The following GALNT1 variants were observed in gnomAD, a reference collection of about 807,000 sequenced individuals.
GALNT1 encodes the protein GalNAc transferase 1.
Under a neutral mutation model 65.7 loss-of-function variants are expected in GALNT1, and 17 were observed. The observed-to-expected ratio is 0.26, with a 90% CI of 0.18 to 0.39. The LOEUF (loss-of-function observed/expected upper bound fraction) is 0.39, where lower values mean the gene tolerates loss of function less well. GALNT1 is among the 10% of genes least tolerant of loss of function. The probability of loss-of-function intolerance (pLI) is 1.00; values close to 1 mark genes in which losing one functional copy is unlikely to be tolerated. For synonymous variants in GALNT1, 210 were observed against 219.7 expected (o/e 0.96, Z 0.39); for missense variants, 460 against 672.8 (o/e 0.68, Z 3.50).
intron 1 of GALNT1, among the ~76,000 whole-genome samples, chr18:35,623,426 A>C (rs922415287): frequency 5.3e-5 from 8 of 152,124 alleles, no homozygotes; most frequent in African/African-American, 1.7e-4. Flanking sequence ...TTATCTGCTT[A>C]GGTTTCACTG....
At chr18:35,695,831 G>A (rs542988001) in intron 9 of GALNT1, among the ~76,000 whole-genome samples, 12 of 152,252 alleles carry the variant, frequency 7.9e-5, no homozygotes, top group East Asian at 1.9e-4. Flanking sequence ...TGAGTGGTGC[G>A]CCAGGGAAAG....
At chr18:35,622,692 C>A (rs1375265929) in intron 1 of GALNT1, among the ~76,000 whole-genome samples, 1 of 152,004 alleles carries the variant, frequency 6.6e-6, no homozygotes, top group African/African-American at 2.4e-5. Flanking sequence ...TGTTCGTTTT[C>A]TTCTTTCTGA....
intron 1 of GALNT1, among the ~76,000 whole-genome samples, chr18:35,645,423 C>T (rs2469447): frequency 0.33 from 50,685 of 151,344 alleles, 9,265 homozygotes; most frequent in Middle Eastern, 0.52. Flanking sequence ...TTAGTAGAGA[C>T]GGGGTTTCAC....
chr18:35,630,457 G>A (rs899622039), intron 1 of GALNT1, among the ~76,000 whole-genome samples: 1 of 152,080 alleles, frequency 6.6e-6, no homozygotes, highest in Admixed American at 6.5e-5. Context: ...ATGACTACTG[G>A]GTACATAATG....
intron 1 of GALNT1, among the ~76,000 whole-genome samples, chr18:35,638,317 T>C (rs565045135): frequency 4.3e-4 from 66 of 152,314 alleles, no homozygotes; most frequent in African/African-American, 1.5e-3. Flanking sequence ...GCTGCTCATG[T>C]ACCCCAAGGA....
At chr18:35,662,035 A>G (rs948501121) in intron 2 of GALNT1, among the ~76,000 whole-genome samples, 39 of 152,154 alleles carry the variant, frequency 2.6e-4, no homozygotes, top group Admixed American at 2.1e-3. Flanking sequence ...TGATGTACCA[A>G]TCTCAAAATC....
chr18:35,691,302 C>A, intron 8 of GALNT1, 110 bp downstream of exon 8: 1 of 829,244 alleles, frequency 1.2e-6, no homozygotes, highest in Non-Finnish European at 1.8e-6. Flanking sequence ...TGAACACCTG[C>A]CTCATAAGGT....
chr18:35,607,555 G>C (rs2046666259), intron 1 of GALNT1, among the ~76,000 whole-genome samples: 1 of 152,150 alleles, frequency 6.6e-6, no homozygotes, highest in Non-Finnish European at 1.5e-5. Flanking sequence ...TCTGTCTCAT[G>C]TCTAAATCTG....
At chr18:35,659,387 G>A (rs1262975355) in intron 2 of GALNT1, among the ~76,000 whole-genome samples, 1 of 152,178 alleles carries the variant, frequency 6.6e-6, no homozygotes, top group Non-Finnish European at 1.5e-5. Context: ...AGAGGGGTTT[G>A]TTTTTTCTGA....
intron 11 of GALNT1, among the ~76,000 whole-genome samples, chr18:35,703,900 C>G (rs895784688): frequency 2.0e-5 from 3 of 152,192 alleles, no homozygotes; most frequent in African/African-American, 2.4e-5. Context: ...ACTGTTCCTT[C>G]TGTATGTCTT....
At chr18:35,585,613 T>G (rs2046370259) in intron 1 of GALNT1, among the ~76,000 whole-genome samples, 1 of 152,250 alleles carries the variant, frequency 6.6e-6, no homozygotes, top group Non-Finnish European at 1.5e-5. Flanking sequence ...TGTTTTTTTG[T>G]AGCCACACCT....
chr18:35,600,248 C>G (rs142401359), intron 1 of GALNT1, among the ~76,000 whole-genome samples: 3 of 152,090 alleles, frequency 2.0e-5, no homozygotes, highest in African/African-American at 7.2e-5. Context: ...CTTTGTTTAA[C>G]TTTATTCCTA....
At chr18:35,656,101 TTCA>T (rs2047381225) in intron 2 of GALNT1, among the ~76,000 whole-genome samples, 1 of 152,244 alleles carries the variant, frequency 6.6e-6, no homozygotes, top group Non-Finnish European at 1.5e-5. Context: ...GGTATTACGA[TTCA>T]TCAGTCAGAA....
intron 5 of GALNT1, among the ~76,000 whole-genome samples, chr18:35,684,417 C>T (rs1490076568): frequency 6.6e-6 from 1 of 152,070 alleles, no homozygotes; most frequent in Non-Finnish European, 1.5e-5. Flanking sequence ...AGTAGAGCAG[C>T]TTTAGAAAAG....
At chr18:35,637,748 A>G (rs1478273187) in intron 1 of GALNT1, among the ~76,000 whole-genome samples, 1 of 152,366 alleles carries the variant, frequency 6.6e-6, no homozygotes, top group African/African-American at 2.4e-5. Context: ...AGAAGATGCC[A>G]TCTAAGACTT....
intron 2 of GALNT1, among the ~76,000 whole-genome samples, chr18:35,661,613 C>T (rs997846033): frequency 1.3e-5 from 2 of 151,994 alleles, no homozygotes; most frequent in African/African-American, 4.8e-5. Context: ...TCTTTGTCTC[C>T]CTCAGACCTG....
intron 1 of GALNT1, among the ~76,000 whole-genome samples, chr18:35,586,343 A>G (rs980035009): frequency 1.3e-5 from 2 of 152,142 alleles, no homozygotes; most frequent in Admixed American, 1.3e-4. Flanking sequence ...TATTCTAAAT[A>G]CTGGTCCTTT....
intron 1 of GALNT1, among the ~76,000 whole-genome samples, chr18:35,628,189 T>C (rs1359136566): frequency 1.3e-5 from 2 of 152,204 alleles, no homozygotes; most frequent in Admixed American, 6.5e-5. Flanking sequence ...CGGACTTAAA[T>C]GTCCCTGTCT....
intron 3 of GALNT1, among the ~76,000 whole-genome samples, chr18:35,668,521 G>T (rs1774887587): frequency 6.6e-6 from 1 of 152,194 alleles, no homozygotes; most frequent in African/African-American, 2.4e-5. Context: ...ACATCTTGCA[G>T]ACGTTTGAAA....
Sources: allele counts gnomAD v4.1 joint callset (sites outside exome capture counted in the v4.1 genomes callset), GRCh38; gene constraint gnomAD v4.1.1; transcripts MANE v1.5; gene names NCBI Gene and HGNC (gene_info 2026-07-23, HGNC 2026-07-21).